PHLPP1: variants seen among roughly 807,000 people sequenced by gnomAD.
PHLPP1 encodes PH domain and leucine rich repeat protein phosphatase 1.
Under a neutral mutation model 117.2 loss-of-function variants are expected in PHLPP1, and 42 were observed. That is an observed-to-expected ratio of 0.36 (90% CI 0.28 to 0.46). PHLPP1 has a LOEUF of 0.46. Among genes scored for constraint, PHLPP1 ranks in the 20% least tolerant of loss-of-function variants. PHLPP1 has a pLI of 1.00. For synonymous variants in PHLPP1, 1,042 were observed against 970.7 expected, an observed-to-expected ratio of 1.07 and a Z score of -1.37; for missense variants, 2,084 against 2,241.9, an observed-to-expected ratio of 0.93 and a Z score of 1.42.
chr18:62,822,557 T>G (rs1324450085), intron 1 of PHLPP1, among the ~76,000 whole-genome samples: 1 of 152,126 alleles, frequency 6.6e-6, no homozygotes, highest in Non-Finnish European at 1.5e-5. Context: ...GTACTGGGAT[T>G]ACAGGCGTGA....
chr18:62,750,732 C>T (rs1366678083), intron 1 of PHLPP1, among the ~76,000 whole-genome samples: 5 of 147,800 alleles, frequency 3.4e-5, no homozygotes, highest in Admixed American at 6.7e-5. Flanking sequence ...TTTTTTTTTA[C>T]AAGCTACTGG....
At chr18:62,816,759 A>G (rs1914290224) in intron 1 of PHLPP1, among the ~76,000 whole-genome samples, 1 of 152,118 alleles carries the variant, frequency 6.6e-6, no homozygotes, top group South Asian at 2.1e-4. Context: ...TGTACTTATT[A>G]TATGAACTTG....
In PHLPP1 at chr18:62,898,140, A is replaced by T. The variant is rs112419084; in HGVS notation, c.2444+2129A>T. Among the ~76,000 whole-genome samples, 563 of 140,688 alleles carry T rather than the reference A, an allele frequency of 4.0e-3. 4 individuals carry two copies. Among genetic ancestry groups the T allele is most frequent in the Middle Eastern group, 0.012 (3 of 244 alleles). The allele number at this position is 140,688 out of a possible 152,430, so 92.3% of individuals were successfully genotyped here. On this transcript the variant is annotated intron_variant, in intron 6 of 16. Transcript: ENST00000262719. Reference sequence around the variant, plus strand: ...GGCTTCATTTTCACCTTTCATCTTGATGTTAATCATTCCCCAGTCTTTCCC... The same window carrying T: ...GGCTTCATTTTCACCTTTCATCTTGTTGTTAATCATTCCCCAGTCTTTCCC...
chr18:62,721,429 G>GGTGTGT (rs71340107), intron 1 of PHLPP1, among the ~76,000 whole-genome samples: 132 of 144,392 alleles, frequency 9.1e-4, no homozygotes, highest in African/African-American at 2.9e-3. Context: ...GAGGGGTGTG[G>GGTGTGT]GTGTGTGTGT....
intron 4 of PHLPP1, among the ~76,000 whole-genome samples, chr18:62,891,386 G>A (rs1241674417): frequency 2.6e-5 from 4 of 152,086 alleles, no homozygotes; most frequent in Middle Eastern, 3.4e-3. Context: ...TCAGGAGTTC[G>A]AGACCAGCCT....
intron 1 of PHLPP1, among the ~76,000 whole-genome samples, chr18:62,800,515 T>C (rs898078240): frequency 1.3e-5 from 2 of 152,116 alleles, no homozygotes; most frequent in Non-Finnish European, 2.9e-5. Flanking sequence ...GGATAATGCA[T>C]ACAAACTCAC....
intron 1 of PHLPP1, among the ~76,000 whole-genome samples, chr18:62,775,054 G>A (rs1257264546): frequency 6.6e-6 from 1 of 152,014 alleles, no homozygotes; most frequent in African/African-American, 2.4e-5. Flanking sequence ...ACATTCCTCA[G>A]GTCACAAAAG....
chr18:62,820,060 A>G (rs566609518), intron 1 of PHLPP1, among the ~76,000 whole-genome samples: 9 of 152,356 alleles, frequency 5.9e-5, no homozygotes, highest in African/African-American at 2.2e-4. Context: ...ATTTGTATTG[A>G]CAAAGTAGAT....
At chr18:62,859,660 C>T (rs1349518207) in intron 3 of PHLPP1, among the ~76,000 whole-genome samples, 1 of 152,082 alleles carries the variant, frequency 6.6e-6, no homozygotes, top group African/African-American at 2.4e-5. Flanking sequence ...TATACAATGG[C>T]TTTTATATGT....
At chr18:62,726,337 G>T (rs1334733729) in intron 1 of PHLPP1, among the ~76,000 whole-genome samples, 2 of 151,590 alleles carry the variant, frequency 1.3e-5, no homozygotes, top group Admixed American at 6.6e-5. Context: ...TTTTTTGGGG[G>T]GGTTGGATGT....
intron 1 of PHLPP1, among the ~76,000 whole-genome samples, chr18:62,777,462 T>G (rs1000801755): frequency 9.3e-5 from 14 of 150,866 alleles, no homozygotes; most frequent in Non-Finnish European, 1.6e-4. Context: ...TTGAAAAATA[T>G]TTTATCCTAT....
At chr18:62,830,252 G>A (rs778668713) in intron 2 of PHLPP1, 21 bp downstream of exon 2, 10 of 1,537,900 alleles carry the variant, frequency 6.5e-6, no homozygotes, top group Non-Finnish European at 5.3e-6. Context: ...TTGTTTGTTT[G>A]TTTATTGAGT....
At chr18:62,877,384 T>A (rs1023275053) in intron 4 of PHLPP1, among the ~76,000 whole-genome samples, 1 of 152,222 alleles carries the variant, frequency 6.6e-6, no homozygotes, top group Non-Finnish European at 1.5e-5. Flanking sequence ...TTTGATCGAT[T>A]TAAACAGCAG....
rs146834442 is a variant in PHLPP1, at chr18:62,796,582, G to A, written c.1577-33453G>A. Among the ~76,000 whole-genome samples, 456 of 152,244 alleles carry A rather than the reference G, an allele frequency of 3.0e-3. 7 individuals are homozygous for A. The highest frequency in any genetic ancestry group is 0.011 in the African/African-American group (438 of 41,534). ...TGCCAGATAGTTTATGAACTTGGCCGAACTTTACAGATGGAAGTATTTGAA... is the reference window on the plus strand; with the variant it reads ...TGCCAGATAGTTTATGAACTTGGCCAAACTTTACAGATGGAAGTATTTGAA... On this transcript the variant is annotated intron_variant, in intron 1 of 16. Transcript: ENST00000262719.
In PHLPP1 at chr18:62,905,268, T is replaced by C. The variant is rs760542667; in HGVS notation, c.2692T>C (p.Tyr898His). 1.3e-6 allele frequency: 2 copies of C among 1,518,766 alleles called. No individual in the cohort carries two copies. The highest frequency in any genetic ancestry group is 2.0e-5 in the Admixed American group (1 of 49,708). The allele number at this position is 1,518,766 out of a possible 1,614,324, so 94.1% of individuals were successfully genotyped here. The change falls in exon 8 of 17, where the codon TAC becomes CAC. Residue 898 changes from tyrosine (Y) to histidine (H), a missense_variant. Physicochemically the swap from Tyr to His is moderately conservative, Grantham distance 83. Around this residue, in one of 2 missense-constraint regions of PHLPP1, gnomAD observed 1,365 missense variants for 1,605.9 expected, o/e 0.85. Coordinates refer to ENST00000262719, the MANE Select transcript of PHLPP1 (RefSeq NM_194449.4). Reference sequence around the variant, plus strand: ...TTACCCAGTTCCAAATTATCTGTCCTACATGGATGTTTCAAGGTAAGAAGT... The same window carrying C: ...TTACCCAGTTCCAAATTATCTGTCCCACATGGATGTTTCAAGGTAAGAAGT... The part of the protein sequence containing the change: ...DVYPVPNYLS[Y>H]MDVSRNRLEN...
At position 62,746,125 on chromosome 18, in the gene PHLPP1, C is replaced by A. The variant is rs554324207; in HGVS notation, c.1576+28866C>A. On this transcript the variant is annotated intron_variant, in intron 1 of 16. Coordinates refer to ENST00000262719, the MANE Select transcript of PHLPP1 (RefSeq NM_194449.4). ...ATGGCGTGATCTTGGCTCACCGCAA[C>A]CTCCCCCTCCCGGGTTCAAGCGATT... Among the ~76,000 whole-genome samples the A allele has an allele frequency of 4.6e-5, 7 of 152,158 alleles. No individual in the cohort carries two copies. In the East Asian group the frequency reaches 1.4e-3, roughly 29 times the overall value.
At chr18:62,789,724 A>G (rs1428610304) in intron 1 of PHLPP1, among the ~76,000 whole-genome samples, 1 of 152,058 alleles carries the variant, frequency 6.6e-6, no homozygotes, top group African/African-American at 2.4e-5. Context: ...TGCTGTTTGG[A>G]ATGCACCTTT....
intron 1 of PHLPP1, among the ~76,000 whole-genome samples, chr18:62,766,076 A>AAAAAAAAAATATAT: frequency 4.6e-5 from 1 of 21,660 alleles, no homozygotes; most frequent in Non-Finnish European, 8.5e-5. Flanking sequence ...AAAAAAAAAA[A>AAAAAAAAAATATAT]ATATATATAT....
chr18:62,836,478 AAT>A (rs1043982174), intron 2 of PHLPP1, among the ~76,000 whole-genome samples: 5 of 116,420 alleles, frequency 4.3e-5, no homozygotes, highest in African/African-American at 1.3e-4. Flanking sequence ...TAAATAAATA[AAT>A]AAATAAAAAT....
Sources: allele counts gnomAD v4.1 joint callset (sites outside exome capture counted in the v4.1 genomes callset), GRCh38; gene constraint gnomAD v4.1.1; regional missense constraint gnomAD v4.1.1; transcripts MANE v1.5; gene names NCBI Gene and HGNC (gene_info 2026-07-23, HGNC 2026-07-21).